ABCD2: variants seen among roughly 807,000 people sequenced by gnomAD.
The protein encoded by ABCD2 is ATP binding cassette subfamily D member 2.
A neutral mutation model predicts 70.9 loss-of-function variants in ABCD2; 36 were observed. That is an observed-to-expected ratio of 0.51 (90% CI 0.39 to 0.67). The LOEUF (loss-of-function observed/expected upper bound fraction) is 0.67, where lower values mean the gene tolerates loss of function less well. Among genes scored for constraint, ABCD2 ranks in the 30% least tolerant of loss-of-function variants. The pLI, the probability that ABCD2 is intolerant of heterozygous loss-of-function variation, is 0.00. For synonymous variants in ABCD2, 304 were observed against 306.9 expected (o/e 0.99, Z 0.10); for missense variants, 729 against 890.2 (o/e 0.82, Z 2.30).
At chr12:39,536,414 G>A in the ABCD2 span, among the ~76,000 whole-genome samples, 7 of 152,172 alleles carry the variant, frequency 4.6e-5, no homozygotes, top group Non-Finnish European at 8.8e-5. Flanking sequence ...ATATGGAAGG[G>A]TCAAATATAT....
At chr12:39,540,798 A>G in the ABCD2 span, among the ~76,000 whole-genome samples, 1 of 152,122 alleles carries the variant, frequency 6.6e-6, no homozygotes, top group African/African-American at 2.4e-5. Flanking sequence ...CCCTTCCCCC[A>G]CCAGCTTGAA....
intron 6 of ABCD2, among the ~76,000 whole-genome samples, chr12:39,598,706 T>C (rs528500372): frequency 6.6e-6 from 1 of 152,288 alleles, no homozygotes; most frequent in African/African-American, 2.4e-5. Flanking sequence ...AGCCAGATTA[T>C]ATTTACTAAT....
At chr12:39,563,892 C>T (rs1941299576) in intron 9 of ABCD2, among the ~76,000 whole-genome samples, 1 of 151,988 alleles carries the variant, frequency 6.6e-6, no homozygotes, top group Non-Finnish European at 1.5e-5. Context: ...TTTTTTTGTC[C>T]TTGCGATAGT....
intron 1 of ABCD2, 50 bp from the exon 2 acceptor site, chr12:39,617,218 T>C (rs1490994589): frequency 2.4e-6 from 3 of 1,244,904 alleles, no homozygotes; most frequent in Admixed American, 6.1e-5. Flanking sequence ...TATATACATA[T>C]TATTCTTTTT....
chr12:39,606,659 C>A (rs973687555), intron 3 of ABCD2, among the ~76,000 whole-genome samples: 1 of 151,974 alleles, frequency 6.6e-6, no homozygotes, highest in Non-Finnish European at 1.5e-5. Context: ...CTTTGTAATT[C>A]TTTTATATAG....
At chr12:39,542,768 A>G in the ABCD2 span, among the ~76,000 whole-genome samples, 2 of 152,144 alleles carry the variant, frequency 1.3e-5, no homozygotes, top group African/African-American at 2.4e-5. Flanking sequence ...CAAAGTATAG[A>G]ATGAATGAGG....
intron 1 of ABCD2, 52 bp from the exon 2 acceptor site, chr12:39,617,220 A>AT: frequency 1.7e-6 from 2 of 1,195,804 alleles, no homozygotes; most frequent in Admixed American, 3.1e-5. Flanking sequence ...TATACATATT[A>AT]TTCTTTTTTT....
chr12:39,549,594 T>TA (rs571406146), downstream of ABCD2, among the ~76,000 whole-genome samples: 29 of 151,536 alleles, frequency 1.9e-4, no homozygotes, highest in Non-Finnish European at 7.4e-5. Context: ...TAATTTAAAA[T>TA]AAAAAAAATA....
At chr12:39,589,228 C>A (rs1941709041) in intron 6 of ABCD2, among the ~76,000 whole-genome samples, 2 of 151,870 alleles carry the variant, frequency 1.3e-5, no homozygotes, top group Admixed American at 1.3e-4. Flanking sequence ...GGTACACAAG[C>A]CATTAGGTTG....
chr12:39,541,304 A>T, the ABCD2 span, among the ~76,000 whole-genome samples: 1 of 152,200 alleles, frequency 6.6e-6, no homozygotes, highest in Non-Finnish European at 1.5e-5. Context: ...TGGAAAAGAG[A>T]GTTTAAGAAA....
intron 6 of ABCD2, among the ~76,000 whole-genome samples, chr12:39,588,012 T>A (rs952862020): frequency 6.6e-5 from 10 of 152,302 alleles, no homozygotes; most frequent in African/African-American, 2.4e-4. Flanking sequence ...CTATTTTATG[T>A]ATATTGTAGG....
chr12:39,616,582 T>C (rs900593861), intron 2 of ABCD2, among the ~76,000 whole-genome samples: 2 of 152,168 alleles, frequency 1.3e-5, no homozygotes, highest in African/African-American at 2.4e-5. Flanking sequence ...TTATAGAATA[T>C]TTATAGACTA....
At position 39,559,059 on chromosome 12, in the gene ABCD2, A is replaced by T. The variant is rs192964318; in HGVS notation, c.2004-4928T>A. On this transcript the variant is annotated intron_variant, in intron 9 of 9. Coordinates refer to ENST00000308666, the MANE Select transcript of ABCD2 (RefSeq NM_005164.4). ...AAAAGGAATGAAGAAAGCTTATGGG[A>T]CTTATGGAATAGCATCAAAAGAGCA... 7.9e-5 allele frequency among the ~76,000 whole-genome samples: 12 copies of T among 152,260 alleles called. No individual in the cohort carries two copies. In the East Asian group the frequency reaches 1.7e-3, roughly 22 times the overall value.
At chr12:39,537,791 A>G in the ABCD2 span, among the ~76,000 whole-genome samples, 1 of 152,234 alleles carries the variant, frequency 6.6e-6, no homozygotes, top group Non-Finnish European at 1.5e-5. Flanking sequence ...TGTCCAACCT[A>G]TTGGTAGACC....
At chr12:39,604,064 C>A in intron 4 of ABCD2, 58 bp from the exon 5 acceptor site, 1 of 1,235,208 alleles carries the variant, frequency 8.1e-7, no homozygotes, top group East Asian at 2.4e-5. Context: ...GATTAAATAA[C>A]GTAAATTATT....
chr12:39,537,063 T>C, the ABCD2 span, among the ~76,000 whole-genome samples: 1 of 152,012 alleles, frequency 6.6e-6, no homozygotes, highest in African/African-American at 2.4e-5. Context: ...TTTTTTTTTT[T>C]CTCTGTGTGC....
downstream of ABCD2, among the ~76,000 whole-genome samples, chr12:39,547,212 G>A (rs1941033618): frequency 6.6e-6 from 1 of 152,112 alleles, no homozygotes; most frequent in Admixed American, 6.6e-5. Flanking sequence ...AGGATGTGGA[G>A]AAATTGGAGC....
the ABCD2 span, among the ~76,000 whole-genome samples, chr12:39,536,020 G>A: frequency 6.6e-6 from 1 of 152,118 alleles, no homozygotes; most frequent in African/African-American, 2.4e-5. Context: ...GAACCTGGCA[G>A]GCGAGGCTGC....
At chr12:39,554,234 A>C in intron 9 of ABCD2, 103 bp from the exon 10 acceptor site, 1 of 1,101,888 alleles carries the variant, frequency 9.1e-7, no homozygotes, top group Non-Finnish European at 1.3e-6. Context: ...AATTTTAAGT[A>C]GGTGCTATTT....
Sources: allele counts gnomAD v4.1 joint callset (sites outside exome capture counted in the v4.1 genomes callset), GRCh38; gene constraint gnomAD v4.1.1; transcripts MANE v1.5; gene names NCBI Gene and HGNC (gene_info 2026-07-23, HGNC 2026-07-21).